FBXO10: variants seen among roughly 807,000 people sequenced by gnomAD.
FBXO10 encodes the protein F-box only protein 10.
In FBXO10, 39 loss-of-function variants were observed where a neutral mutation model predicts 80.7. That is an observed-to-expected ratio of 0.48 (90% CI 0.37 to 0.63). The LOEUF is 0.63. Ranked by LOEUF, FBXO10 falls within the 30% of genes least tolerant of loss-of-function variation. The probability of loss-of-function intolerance (pLI) is 0.00; values close to 1 mark genes in which losing one functional copy is unlikely to be tolerated. For synonymous variants in FBXO10, 449 were observed against 489.6 expected (o/e 0.92, Z 1.09); for missense variants, 1,025 against 1,269.0 (o/e 0.81, Z 2.92).
chr9:37,550,734 C>G (rs1031161432), intron 1 of FBXO10, among the ~76,000 whole-genome samples: 5 of 152,174 alleles, frequency 3.3e-5, no homozygotes, highest in Admixed American at 1.3e-4. Flanking sequence ...CTACCTCGGC[C>G]TCTCAAAGTG....
At chr9:37,564,676 T>A (rs1822561694) in intron 1 of FBXO10, among the ~76,000 whole-genome samples, 1 of 152,242 alleles carries the variant, frequency 6.6e-6, no homozygotes, top group South Asian at 2.1e-4. Context: ...TGGACTTGCA[T>A]AGGGCCTGTA....
In FBXO10 at chr9:37,540,291, G is replaced by A. The variant is rs142695379; in HGVS notation, c.585+893C>T. On this transcript the variant is annotated intron_variant, in intron 2 of 10. Coordinates refer to ENST00000432825, the MANE Select transcript of FBXO10 (RefSeq NM_012166.3). ...CAACCTCCGCCTCCCGGGTTCAAGC[G>A]ATTCTTTTGCCTCAGCCTCCCGAGT... is the stretch of plus-strand genomic sequence containing the variant. Among the ~76,000 whole-genome samples the A allele has an allele frequency of 9.8e-3, 1,485 of 151,920 alleles. 13 individuals carry two copies. Among genetic ancestry groups the A allele is most frequent in the Non-Finnish European group, 0.016 (1,089 of 67,954 alleles).
Position 37,515,980 on chromosome 9 carries a change from T to A in FBXO10, c.2620A>T (p.Lys874Ter), listed in dbSNP as rs767922971. ...ENIIFQGKTS[K>*]TIFQQISNNR... The stretch of plus-strand genomic sequence containing the variant: ...TTTGAGATCTGCTGAAAGATGGTCT[T>A]ACTGGTTTTGCCCTGGAAGATGATG... The change falls in exon 10 of 11, where the codon AAG becomes TAG. Residue 874 changes from lysine to a stop codon, truncating the protein, a stop_gained. Transcript: ENST00000432825. LOFTEE classifies it high-confidence loss of function. 6.2e-7 allele frequency: 1 copy of A among 1,614,068 alleles called. No homozygotes were observed. Among genetic ancestry groups the A allele is most frequent in the Non-Finnish European group, 8.5e-7 (1 of 1,179,894 alleles).
chr9:37,574,725 T>C (rs1026338162), intron 1 of FBXO10, among the ~76,000 whole-genome samples: 2 of 152,180 alleles, frequency 1.3e-5, no homozygotes, highest in African/African-American at 2.4e-5. Flanking sequence ...CTGCAGCTTA[T>C]TGTTATTTTA....
At chr9:37,528,987 G>T in intron 5 of FBXO10, 137 bp downstream of exon 5, 1 of 1,184,168 alleles carries the variant, frequency 8.4e-7, no homozygotes, top group Non-Finnish European at 1.2e-6. Context: ...AAGCCGCTGT[G>T]TTACTGGGGT....
At chr9:37,519,812 C>A (rs1466029995) in intron 8 of FBXO10, among the ~76,000 whole-genome samples, 1 of 152,036 alleles carries the variant, frequency 6.6e-6, no homozygotes, top group Admixed American at 6.6e-5. Context: ...GCCCAGGAAT[C>A]TCTTTTAATT....
chr9:37,573,575 A>G (rs1049925959), intron 1 of FBXO10, among the ~76,000 whole-genome samples: 4 of 152,222 alleles, frequency 2.6e-5, no homozygotes, highest in Admixed American at 2.6e-4. Context: ...CAGACAATGC[A>G]GTTCTCTCTC....
In FBXO10 at chr9:37,531,955, G is replaced by C. The variant is rs1287655145; in HGVS notation, c.1523C>G (p.Ala508Gly). The C allele has an allele frequency of 6.2e-7, 1 of 1,614,004 alleles. No individual in the cohort carries two copies. The highest frequency in any genetic ancestry group is 1.1e-5 in the South Asian group (1 of 91,082). ...TTTCCGGATGTCTACACCAGCCTCT[G>C]CATTGTGGTAAATGTTGTTGCCGGC... ...LIAGNNIYHN[A>G]EAGVDIRKKS... The change falls in exon 4 of 11, where the codon GCA (alanine) becomes GGA (glycine). Residue 508 changes from alanine to glycine, a missense_variant. By Grantham distance (60) the Ala-to-Gly change is moderately conservative. This residue lies in a region of FBXO10 where 478 missense variants were observed against 667.8 expected (regional missense o/e 0.72). Coordinates refer to ENST00000432825, the MANE Select transcript of FBXO10 (RefSeq NM_012166.3).
chr9:37,556,433 T>C (rs1474087873), intron 1 of FBXO10, among the ~76,000 whole-genome samples: 10 of 152,050 alleles, frequency 6.6e-5, no homozygotes, highest in Non-Finnish European at 1.5e-5. Context: ...TATCCAACTG[T>C]CCCAGGACCA....
At chr9:37,516,444 C>T (rs1821180299) in intron 9 of FBXO10, among the ~76,000 whole-genome samples, 1 of 152,212 alleles carries the variant, frequency 6.6e-6, no homozygotes, top group Non-Finnish European at 1.5e-5. Flanking sequence ...CCTCTGCTCC[C>T]ACAGTGCTCA....
At chr9:37,566,061 C>A (rs1822596848) in intron 1 of FBXO10, among the ~76,000 whole-genome samples, 1 of 152,068 alleles carries the variant, frequency 6.6e-6, no homozygotes, top group African/African-American at 2.4e-5. Context: ...TTTGGGGGAC[C>A]ATGGGGAGCT....
chr9:37,544,991 CAAAA>C (rs59952580), intron 1 of FBXO10, among the ~76,000 whole-genome samples: 2 of 69,458 alleles, frequency 2.9e-5, no homozygotes, highest in African/African-American at 1.2e-4. Flanking sequence ...GAGACTCTCT[CAAAA>C]AAAAAAAAAA....
intron 1 of FBXO10, among the ~76,000 whole-genome samples, chr9:37,568,658 T>C: frequency 6.6e-6 from 1 of 152,168 alleles, no homozygotes; most frequent in South Asian, 2.1e-4. Context: ...GGAAAAAGGA[T>C]AAACGGAGTT....
intron 1 of FBXO10, among the ~76,000 whole-genome samples, chr9:37,566,926 G>A (rs557191234): frequency 2.6e-5 from 4 of 152,228 alleles, no homozygotes; most frequent in Non-Finnish European, 5.9e-5. Context: ...CTTTCTGAGT[G>A]GGCTTGGAGC....
intron 1 of FBXO10, among the ~76,000 whole-genome samples, chr9:37,569,762 G>C (rs1234341851): frequency 1.3e-5 from 2 of 152,180 alleles, no homozygotes; most frequent in African/African-American, 2.4e-5. Context: ...CTTGAGCCAG[G>C]AGTTCAAGGC....
In FBXO10 at chr9:37,516,049, C is replaced by G; in HGVS notation, c.2551G>C (p.Gly851Arg). 6.2e-7 allele frequency: 1 copy of G among 1,613,650 alleles called. No homozygotes were observed. Among genetic ancestry groups the G allele is most frequent in the Non-Finnish European group, 8.5e-7 (1 of 1,179,774 alleles). ...TTGGCACGGCCCCGCACGGCGATGC[C>G]GTAGGCCCGGAACGAGTGGATCCGG... ...KNRIHSFRAY[G>R]IAVRGRAKAL... is the part of the protein sequence containing the mutation. Residue 851 changes from glycine (G) to arginine (R), a missense_variant, in exon 10 of 11, where the codon GGC becomes CGC. Physicochemically the swap from Gly to Arg is moderately radical, Grantham distance 125. Around this residue, in one of 3 missense-constraint regions of FBXO10, gnomAD observed 478 missense variants for 667.8 expected, o/e 0.72. Coordinates refer to ENST00000432825, the MANE Select transcript of FBXO10 (RefSeq NM_012166.3).
intron 1 of FBXO10, among the ~76,000 whole-genome samples, chr9:37,556,533 ATTTTTTTTTTTTT>A (rs60829486): frequency 5.3e-5 from 4 of 75,102 alleles, no homozygotes; most frequent in East Asian, 3.9e-4. Flanking sequence ...TTTGTTCTGG[ATTTTTTTTTTTTT>A]TTTTTTTTTT....
intron 5 of FBXO10, among the ~76,000 whole-genome samples, chr9:37,525,767 G>A (rs1184066301): frequency 3.3e-5 from 5 of 152,038 alleles, no homozygotes; most frequent in African/African-American, 1.2e-4. Flanking sequence ...TCGAACTCCT[G>A]GCCTCAAGTG....
Position 37,537,530 on chromosome 9 carries a change from A to C in FBXO10, c.999T>G (p.Ala333=), listed in dbSNP as rs756116381. ...TACCCACCTCTGCCTCCTGTGAGCC[A>C]GCCTTGGAGCCTGGCTTTGGGGAGC... The part of the protein sequence containing the change: ...ASSSPKPGSK[A]GSQEAEVGSD... The change falls in exon 3 of 11, where the codon GCT becomes GCG. Residue 333 remains alanine (A), a synonymous_variant. Coordinates refer to ENST00000432825, the MANE Select transcript of FBXO10 (RefSeq NM_012166.3). 1 of 1,613,000 alleles carries C rather than the reference A, an allele frequency of 6.2e-7. No homozygotes were observed. Among genetic ancestry groups the C allele is most frequent in the South Asian group, 1.1e-5 (1 of 90,836 alleles).
Sources: gnomAD v4.1 joint callset for allele counts (sites outside exome capture counted in the v4.1 genomes callset) on GRCh38, gnomAD v4.1.1 for gene constraint, gnomAD v4.1.1 regional missense constraint, MANE v1.5 for transcripts, NCBI Gene and HGNC (gene_info 2026-07-23, HGNC 2026-07-21) for gene names.